The following ETNK1 variants were observed in gnomAD, a reference collection of about 807,000 sequenced individuals.
ETNK1 encodes ethanolamine kinase 1.
ETNK1 carries 8 observed loss-of-function variants against 45.1 expected under a neutral mutation model. The observed-to-expected ratio is 0.18, with a 90% CI of 0.10 to 0.32. The LOEUF (loss-of-function observed/expected upper bound fraction) is 0.32. ETNK1 is among the 10% of genes least tolerant of loss of function. ETNK1 has a pLI of 1.00. For missense variants in ETNK1, 302 were observed against 430.6 expected (o/e 0.70, Z 2.64); for synonymous variants, 152 against 151.9 (o/e 1.00, Z -0.01).
At position 22,688,466 on chromosome 12, in the gene ETNK1, T is replaced by C. The variant is rs1386665564; in HGVS notation, c.*3512T>C. ...CCCTCCACTTTTAAAATTATACAAA[T>C]ATTTCTTTTTTACATTACACAGAAG... On this transcript the variant is annotated 3_prime_UTR_variant, in exon 8 of 8. Coordinates refer to ENST00000266517, the MANE Select transcript of ETNK1 (RefSeq NM_018638.5). The C allele has an allele frequency of 6.6e-6, 1 of 152,168 alleles. No homozygotes were observed. Among genetic ancestry groups the C allele is most frequent in the Non-Finnish European group, 1.5e-5 (1 of 67,782 alleles). The allele number at this position is 152,168 out of a possible 1,614,324, so 9.4% of individuals were successfully genotyped here. A position where few individuals can be genotyped will look rare whatever the true frequency, so the allele number is the denominator to read the frequency against.
intron 1 of ETNK1, among the ~76,000 whole-genome samples, chr12:22,639,115 C>G (rs1247862471): frequency 6.6e-6 from 1 of 152,114 alleles, no homozygotes; most frequent in East Asian, 1.9e-4. Context: ...AGACTGTATG[C>G]TATTGACTAT....
chr12:22,671,245 A>G (rs1415957121), intron 4 of ETNK1, 27 bp from the exon 5 acceptor site: 3 of 1,433,210 alleles, frequency 2.1e-6, no homozygotes, highest in African/African-American at 1.4e-5. Flanking sequence ...TGATTTCTTA[A>G]TGTCTTTGTT....
At chr12:22,654,729 G>T (rs1419668999) in intron 2 of ETNK1, among the ~76,000 whole-genome samples, 1 of 152,026 alleles carries the variant, frequency 6.6e-6, no homozygotes, top group Admixed American at 6.5e-5. Context: ...TATTATTATT[G>T]CTATTCTATT....
At chr12:22,636,812 A>G (rs1258231902) in intron 1 of ETNK1, among the ~76,000 whole-genome samples, 1 of 152,252 alleles carries the variant, frequency 6.6e-6, no homozygotes, top group African/African-American at 2.4e-5. Flanking sequence ...GTGATGATTT[A>G]AAGTATATGG....
intron 1 of ETNK1, among the ~76,000 whole-genome samples, chr12:22,629,203 C>T (rs1281981990): frequency 2.6e-5 from 4 of 151,932 alleles, no homozygotes; most frequent in South Asian, 4.1e-4. Flanking sequence ...ATTCCTAGTC[C>T]GATGGGGAAG....
chr12:22,626,826 GATTTTTATGTC>G (rs1229629175), intron 1 of ETNK1, among the ~76,000 whole-genome samples: 4 of 152,142 alleles, frequency 2.6e-5, no homozygotes, highest in Non-Finnish European at 4.4e-5. Flanking sequence ...AATCCAAAGT[GATTTTTATGTC>G]ATTTAAAAAA....
chr12:22,626,012 C>G lies in ETNK1; in HGVS notation c.156+426C>G, dbSNP rs1019023172. On this transcript the variant is annotated intron_variant, in intron 1 of 7. Transcript: ENST00000266517. The stretch of plus-strand genomic sequence containing the variant: ...TGATCTTTCCTTCCTCTCCCCTCCC[C>G]CTGCGATGTGCTTTCATTGATGCCT... 3 of 387,434 alleles carry G rather than the reference C, an allele frequency of 7.7e-6. No individual in the cohort carries two copies. In the East Asian group the frequency reaches 2.1e-4, roughly 27 times the overall value. The allele number at this position is 387,434 out of a possible 1,614,324, so 24.0% of individuals were successfully genotyped here.
At chr12:22,656,941 G>C (rs1401136961) in intron 2 of ETNK1, 4 of 470,264 alleles carry the variant, frequency 8.5e-6, no homozygotes, top group Non-Finnish European at 1.1e-5. Flanking sequence ...CTTTCTTCAA[G>C]CTTTTTGTTT....
intron 3 of ETNK1, 111 bp from the exon 4 acceptor site, chr12:22,660,952 C>T: frequency 1.2e-6 from 1 of 851,288 alleles, no homozygotes; most frequent in Non-Finnish European, 1.8e-6. Context: ...TGTTTGAATT[C>T]AGCAGTATGT....
chr12:22,645,214 AT>A (rs1953792158), intron 2 of ETNK1, among the ~76,000 whole-genome samples: 1 of 151,994 alleles, frequency 6.6e-6, no homozygotes, highest in African/African-American at 2.4e-5. Flanking sequence ...ATATAACAGC[AT>A]TAAAAATTAA....
intron 1 of ETNK1, among the ~76,000 whole-genome samples, chr12:22,630,445 C>T (rs993893998): frequency 1.3e-5 from 2 of 151,918 alleles, no homozygotes; most frequent in African/African-American, 4.8e-5. Context: ...GGTGGGGGTA[C>T]CTGAGCTAAG....
intron 1 of ETNK1, among the ~76,000 whole-genome samples, chr12:22,629,953 A>G (rs1953553921): frequency 6.6e-6 from 1 of 152,214 alleles, no homozygotes; most frequent in African/African-American, 2.4e-5. Flanking sequence ...CATCAAAAAC[A>G]TGAAATATTT....
intron 1 of ETNK1, chr12:22,625,995 C>G: frequency 7.4e-6 from 3 of 407,858 alleles, no homozygotes; most frequent in South Asian, 5.6e-5. Flanking sequence ...TCTGATCTTT[C>G]CTTCCTCTCC....
intron 2 of ETNK1, chr12:22,656,672 G>A (rs755505499): frequency 4.4e-4 from 438 of 985,156 alleles, no homozygotes; most frequent in Non-Finnish European, 5.2e-4. Context: ...GTTCCAGCAC[G>A]TGTGTCCCCT....
chr12:22,657,740 A>G (rs1252549405), intron 2 of ETNK1, among the ~76,000 whole-genome samples: 2 of 152,200 alleles, frequency 1.3e-5, no homozygotes, highest in Non-Finnish European at 2.9e-5. Context: ...AGTCAGGGTC[A>G]TATGTTCACT....
intron 4 of ETNK1, 99 bp from the exon 5 acceptor site, chr12:22,671,173 T>C: frequency 1.1e-6 from 1 of 872,922 alleles, no homozygotes; most frequent in East Asian, 2.4e-5. Flanking sequence ...GCACGTACAA[T>C]GAGACAAAAT....
intron 1 of ETNK1, among the ~76,000 whole-genome samples, chr12:22,626,830 T>G (rs1207747276): frequency 2.6e-5 from 4 of 152,196 alleles, no homozygotes; most frequent in African/African-American, 4.8e-5. Flanking sequence ...CAAAGTGATT[T>G]TTATGTCATT....
intron 2 of ETNK1, 146 bp downstream of exon 2, chr12:22,644,168 G>T (rs1267755913): frequency 6.5e-7 from 1 of 1,532,028 alleles, no homozygotes; most frequent in Non-Finnish European, 8.8e-7. Flanking sequence ...TTTTGTTCTT[G>T]TTTTCCCTAA....
chr12:22,672,874 G>A (rs1000524321), intron 5 of ETNK1, among the ~76,000 whole-genome samples: 2 of 152,292 alleles, frequency 1.3e-5, no homozygotes, highest in African/African-American at 4.8e-5. Context: ...TATAGATCAT[G>A]AAGTTAAATT....
Sources: allele counts gnomAD v4.1 joint callset (sites outside exome capture counted in the v4.1 genomes callset), GRCh38; gene constraint gnomAD v4.1.1; transcripts MANE v1.5; gene names NCBI Gene and HGNC (gene_info 2026-07-23, HGNC 2026-07-21).